The following DCANP1 variants were observed in gnomAD, a reference collection of about 807,000 sequenced individuals.
DCANP1 encodes the protein dendritic cell nuclear protein 1.
For synonymous variants in DCANP1, 139 were observed against 124.2 expected (o/e 1.12, Z -0.79); for missense variants, 328 against 293.7 (o/e 1.12, Z -0.85).
Position 135,446,789 on chromosome 5 carries a change from G to A in DCANP1, c.320C>T (p.Ser107Leu). Residue 107 changes from serine (S) to leucine (L), a missense_variant, in exon 1 of 1, where the codon TCA (serine) becomes TTA (leucine). Physicochemically the swap from Ser to Leu is moderately radical, Grantham distance 145. Transcript: ENST00000503143. ...GCTATGCAGTTCATCCTGGGTCCCT[G>A]AGGGCCTCGCAGATGCTTCACTCGA... is the stretch of plus-strand genomic sequence containing the variant. Reference protein sequence around the residue: ...NLSSEASARPSGTQDELHSSR... With the variant: ...NLSSEASARPLGTQDELHSSR... The A allele has an allele frequency of 1.9e-6, 3 of 1,613,946 alleles. No individual in the cohort carries two copies. The South Asian group carries it at 3.3e-5, about 18-fold the overall frequency.
In DCANP1 at chr5:135,444,263, G is replaced by C. The variant is rs933753337; in HGVS notation, c.*2111C>G. The C allele has an allele frequency of 6.6e-6, 1 of 152,216 alleles. No homozygotes were observed. The highest frequency in any genetic ancestry group is 1.5e-5 in the Non-Finnish European group (1 of 68,046). 9.4% of individuals were successfully genotyped at this position (152,216 alleles called of 1,614,324 possible). A position where few individuals can be genotyped will look rare whatever the true frequency, so the allele number is the denominator to read the frequency against. On this transcript the variant is annotated 3_prime_UTR_variant, in exon 1 of 1. Transcript: ENST00000503143. ...CACTTTAATCCGCCTGTGAGTTCAC[G>C]TTAAAGGTAAGAGGAATCACAGCCC...
rs372937568 is a variant in DCANP1 at position 135,446,859 on chromosome 5, C to T, written c.250G>A (p.Gly84Arg). 4.3e-6 allele frequency: 7 copies of T among 1,613,912 alleles called. No homozygotes were observed. The highest frequency in any genetic ancestry group is 4.0e-5 in the African/African-American group (3 of 75,048). The change falls in exon 1 of 1, where the codon GGG (glycine) becomes AGG (arginine). Residue 84 changes from glycine (G) to arginine (R), a missense_variant. By Grantham distance (125) the Gly-to-Arg change is moderately radical. Transcript: ENST00000503143. Reference sequence around the variant, plus strand: ...CCCCTGTGGAGGAATTGAACTGCCCCCTCTCGCAGGACCCCAGCTGGCAAG... The same window carrying T: ...CCCCTGTGGAGGAATTGAACTGCCCTCTCTCGCAGGACCCCAGCTGGCAAG... The part of the protein sequence containing the change: ...KTLPAGVLRE[G>R]AVQFLHRGLC...
Position 135,446,749 on chromosome 5 carries a change from T to C in DCANP1, c.360A>G (p.Thr120=). 6.2e-7 allele frequency: 1 copy of C among 1,613,998 alleles called. No individual in the cohort carries two copies. The change falls in exon 1 of 1, where the codon ACA becomes ACG. Residue 120 remains threonine, a synonymous_variant. Coordinates refer to ENST00000503143, the MANE Select transcript of DCANP1 (RefSeq NM_130848.3). ...GGGCTCCCTCCCGCCTGGTCTGGCC[T>C]GTCTTCCTTCTGCTGCTATGCAGTT... The part of the protein sequence containing the change: ...QDELHSSRRK[T]GQTRREGARK...
In DCANP1 at chr5:135,446,428, T is replaced by C; in HGVS notation, c.681A>G (p.Gln227=). The change falls in exon 1 of 1, where the codon CAA becomes CAG. Residue 227 remains glutamine, a synonymous_variant. Coordinates refer to ENST00000503143, the MANE Select transcript of DCANP1 (RefSeq NM_130848.3). ...SQSRRVSSSQ[Q]PPLHSLSSHR... Reference sequence around the variant, plus strand: ...GGGAGCTGAGAGAATGCAGTGGAGGTTGTTGGGAGGAACTCACCCGCCTGC... The same window carrying C: ...GGGAGCTGAGAGAATGCAGTGGAGGCTGTTGGGAGGAACTCACCCGCCTGC... 6.2e-7 allele frequency: 1 copy of C among 1,611,292 alleles called. No homozygotes were observed. The highest frequency in any genetic ancestry group is 8.5e-7 in the Non-Finnish European group (1 of 1,177,974).
rs1198023075 is a variant in DCANP1 at position 135,444,923 on chromosome 5, G to A, written c.*1451C>T. 1 of 152,458 alleles carries A rather than the reference G, an allele frequency of 6.6e-6. No individual in the cohort carries two copies. Among genetic ancestry groups the A allele is most frequent in the Non-Finnish European group, 1.5e-5 (1 of 68,210 alleles). 9.4% of individuals were successfully genotyped at this position (152,458 alleles called of 1,614,324 possible). ...AGCATCACGTTCTCAGTCCTTTCCT[G>A]TGTGGATGGAGTGTTGGCACAGTGA... On this transcript the variant is annotated 3_prime_UTR_variant, in exon 1 of 1. Transcript: ENST00000503143.
rs1481041707 is a variant in DCANP1 at position 135,446,330 on chromosome 5, G to A, written c.*44C>T. On this transcript the variant is annotated 3_prime_UTR_variant, in exon 1 of 1. Coordinates refer to ENST00000503143, the MANE Select transcript of DCANP1 (RefSeq NM_130848.3). ...CATGTGCACTGTATGTTCGTGTTTA[G>A]TGTATGTCTGTGCATACTTGCGTGT... The A allele has an allele frequency of 1.3e-6, 2 of 1,551,092 alleles. No individual in the cohort carries two copies. Among genetic ancestry groups the A allele is most frequent in the Admixed American group, 3.7e-5 (2 of 54,238 alleles).
Position 135,445,239 on chromosome 5 carries a change from C to G in DCANP1, c.*1135G>C, listed in dbSNP as rs1199628687. 1 of 152,204 alleles carries G rather than the reference C, an allele frequency of 6.6e-6. No individual in the cohort carries two copies. Among genetic ancestry groups the G allele is most frequent in the East Asian group, 1.9e-4 (1 of 5,168 alleles). 9.4% of individuals were successfully genotyped at this position (152,204 alleles called of 1,614,324 possible). ...CATAAACCTTCCTCAGCAGTCACCA[C>G]ACAGAATCCCAAAACCCCAGGGTTC... is the stretch of plus-strand genomic sequence containing the variant. On this transcript the variant is annotated 3_prime_UTR_variant, in exon 1 of 1. Transcript: ENST00000503143.
rs531353573 is a variant in DCANP1, at chr5:135,446,821, G to A, written c.288C>T (p.Ser96=). The stretch of plus-strand genomic sequence containing the variant: ...TCGCAGATGCTTCACTCGAAAGATT[G>A]GAGTTGCAGAGTCCCCTGTGGAGGA... ...VQFLHRGLCN[S]NLSSEASARP... Residue 96 remains serine (S), a synonymous_variant, in exon 1 of 1, where the codon TCC becomes TCT. Transcript: ENST00000503143. 17 of 1,613,798 alleles carry A rather than the reference G, an allele frequency of 1.1e-5. No individual in the cohort carries two copies. The highest frequency in any genetic ancestry group is 1.4e-5 in the Non-Finnish European group (17 of 1,179,836).
chr5:135,445,809 T>C lies in DCANP1; in HGVS notation c.*565A>G. On this transcript the variant is annotated 3_prime_UTR_variant, in exon 1 of 1. Transcript: ENST00000503143. Reference sequence around the variant, plus strand: ...GCTGTTTATGGAGCATTTGCAAGTCTCCCTCGAGGGGAGCCCGTGTCTCTC... The same window carrying C: ...GCTGTTTATGGAGCATTTGCAAGTCCCCCTCGAGGGGAGCCCGTGTCTCTC... 1 of 152,908 alleles carries C rather than the reference T, an allele frequency of 6.5e-6. No homozygotes were observed. Among genetic ancestry groups the C allele is most frequent in the Non-Finnish European group, 1.5e-5 (1 of 68,598 alleles). 9.5% of individuals were successfully genotyped at this position (152,908 alleles called of 1,614,324 possible). A position where few individuals can be genotyped will look rare whatever the true frequency, so the allele number is the denominator to read the frequency against.
At position 135,446,179 on chromosome 5, in the gene DCANP1, G is replaced by A; in HGVS notation, c.*195C>T. On this transcript the variant is annotated 3_prime_UTR_variant, in exon 1 of 1. Transcript: ENST00000503143. ...TGAACTTTCCCGTTTTCTACAAGAAGAAACTGTGGCACGGAGAGATTCAGT... is the reference window on the plus strand; with the variant it reads ...TGAACTTTCCCGTTTTCTACAAGAAAAAACTGTGGCACGGAGAGATTCAGT... 2 of 639,094 alleles carry A rather than the reference G, an allele frequency of 3.1e-6. No homozygotes were observed. Among genetic ancestry groups the A allele is most frequent in the Non-Finnish European group, 5.1e-6 (2 of 390,522 alleles). The allele number at this position is 639,094 out of a possible 1,614,324, so 39.6% of individuals were successfully genotyped here. A position where few individuals can be genotyped will look rare whatever the true frequency, so the allele number is the denominator to read the frequency against.
At position 135,446,552 on chromosome 5, in the gene DCANP1, G is replaced by A; in HGVS notation, c.557C>T (p.Pro186Leu). ...CCAGCTGTTAGGAGAAAGTGAAGGT[G>A]GGTGCCATGGATCTGATGATTTCAG... ...KSLKSSDPWH[P>L]PSLSPNSWNR... is the part of the protein sequence containing the mutation. Residue 186 changes from proline to leucine, a missense_variant, in exon 1 of 1, where the codon CCA becomes CTA. By Grantham distance (98) the Pro-to-Leu change is moderately conservative. Transcript: ENST00000503143. The A allele has an allele frequency of 6.2e-7, 1 of 1,613,980 alleles. No homozygotes were observed. The highest frequency in any genetic ancestry group is 1.7e-5 in the Admixed American group (1 of 60,026).
rs369831965 is a variant in DCANP1, at chr5:135,446,758, T to G, written c.351A>C (p.Arg117Ser). 2.9e-5 allele frequency: 46 copies of G among 1,613,854 alleles called. No homozygotes were observed. Among genetic ancestry groups the G allele is most frequent in the Admixed American group, 5.0e-5 (3 of 60,008 alleles). ...CCCGCCTGGTCTGGCCTGTCTTCCT[T>G]CTGCTGCTATGCAGTTCATCCTGGG... Reference protein sequence around the residue: ...SGTQDELHSSRRKTGQTRREG... With the variant: ...SGTQDELHSSSRKTGQTRREG... Residue 117 changes from arginine to serine, a missense_variant, in exon 1 of 1, where the codon AGA becomes AGC. Arg to Ser is a moderately radical substitution (Grantham distance 110). Coordinates refer to ENST00000503143, the MANE Select transcript of DCANP1 (RefSeq NM_130848.3).
Position 135,445,822 on chromosome 5 carries a change from G to A in DCANP1, c.*552C>T, listed in dbSNP as rs1769246758. 1 of 152,954 alleles carries A rather than the reference G, an allele frequency of 6.5e-6. No individual in the cohort carries two copies. The highest frequency in any genetic ancestry group is 2.1e-4 in the South Asian group (1 of 4,842). 9.5% of individuals were successfully genotyped at this position (152,954 alleles called of 1,614,324 possible). On this transcript the variant is annotated 3_prime_UTR_variant, in exon 1 of 1. Transcript: ENST00000503143. ...CATTTGCAAGTCTCCCTCGAGGGGA[G>A]CCCGTGTCTCTCACGGACAGCTTGG...
In DCANP1 at chr5:135,446,012, G is replaced by C; in HGVS notation, c.*362C>G. 1 of 182,964 alleles carries C rather than the reference G, an allele frequency of 5.5e-6. No individual in the cohort carries two copies. 11.3% of individuals were successfully genotyped at this position (182,964 alleles called of 1,614,324 possible). On this transcript the variant is annotated 3_prime_UTR_variant, in exon 1 of 1. Transcript: ENST00000503143. ...CTCCTTTTGTGCCTGAGTGTAGACT[G>C]GGTCCATGTGCCTACATGCATTCAG...
At position 135,444,429 on chromosome 5, in the gene DCANP1, C is replaced by A. The variant is rs956892163; in HGVS notation, c.*1945G>T. On this transcript the variant is annotated 3_prime_UTR_variant, in exon 1 of 1. Coordinates refer to ENST00000503143, the MANE Select transcript of DCANP1 (RefSeq NM_130848.3). ...GCTGCAATGCAGGTTAGGCTGCCACCATGAGGGAAGCTGGAGGGAGGACCT... is the reference window on the plus strand; with the variant it reads ...GCTGCAATGCAGGTTAGGCTGCCACAATGAGGGAAGCTGGAGGGAGGACCT... 2 of 152,242 alleles carry A rather than the reference C, an allele frequency of 1.3e-5. No individual in the cohort carries two copies. Among genetic ancestry groups the A allele is most frequent in the African/African-American group, 4.8e-5 (2 of 41,452 alleles). 9.4% of individuals were successfully genotyped at this position (152,242 alleles called of 1,614,324 possible).
At position 135,446,102 on chromosome 5, in the gene DCANP1, T is replaced by A. The variant is rs1769251736; in HGVS notation, c.*272A>T. On this transcript the variant is annotated 3_prime_UTR_variant, in exon 1 of 1. Transcript: ENST00000503143. ...GACCCTTATGTCTGGGTGCCTTAAA[T>A]TTGTGATGCCTCAAACTGACCTTCA... 3.1e-6 allele frequency: 1 copy of A among 325,466 alleles called. No individual in the cohort carries two copies. Among genetic ancestry groups the A allele is most frequent in the Non-Finnish European group, 5.6e-6 (1 of 177,360 alleles). The allele number at this position is 325,466 out of a possible 1,614,324, so 20.2% of individuals were successfully genotyped here.
rs2150032475 is a variant in DCANP1 at position 135,447,157 on chromosome 5, A to G, written c.-49T>C. ...TGACAGATCACTGCTGCTTTTCATC[A>G]GACCAAAATACATGTGGCTTCTTCT... On this transcript the variant is annotated 5_prime_UTR_variant, in exon 1 of 1. Transcript: ENST00000503143. 6.2e-7 allele frequency: 1 copy of G among 1,612,206 alleles called. No homozygotes were observed. The highest frequency in any genetic ancestry group is 8.5e-7 in the Non-Finnish European group (1 of 1,178,810).
In DCANP1 at chr5:135,446,619, G is replaced by A. The variant is rs887007106; in HGVS notation, c.490C>T (p.Leu164Phe). The A allele has an allele frequency of 6.2e-7, 1 of 1,613,934 alleles. No individual in the cohort carries two copies. ...AAAAATGAAGTCTCGGATGGGCAGAGCTTAACTGCCTTAAAAACTTGGTAC... is the reference window on the plus strand; with the variant it reads ...AAAAATGAAGTCTCGGATGGGCAGAACTTAACTGCCTTAAAAACTTGGTAC... The part of the protein sequence containing the change: ...ALYQVFKAVK[L>F]CPSETSFFLS... Residue 164 changes from leucine to phenylalanine, a missense_variant, in exon 1 of 1, where the codon CTC (leucine) becomes TTC (phenylalanine). Leu to Phe is a conservative substitution (Grantham distance 22). Transcript: ENST00000503143.
At position 135,446,525 on chromosome 5, in the gene DCANP1, T is replaced by G. The variant is rs368117433; in HGVS notation, c.584A>C (p.Asn195Thr). 6.2e-7 allele frequency: 1 copy of G among 1,613,838 alleles called. No homozygotes were observed. Among genetic ancestry groups the G allele is most frequent in the Non-Finnish European group, 8.5e-7 (1 of 1,179,876 alleles). Residue 195 changes from asparagine (N) to threonine (T), a missense_variant, in exon 1 of 1, where the codon AAC (asparagine) becomes ACC (threonine). By Grantham distance (65) the Asn-to-Thr change is moderately conservative (BLOSUM62 0). Transcript: ENST00000503143. ...CCAGGCCCTGAAGCCAGCCTGACGGTTCCAGCTGTTAGGAGAAAGTGAAGG... is the reference window on the plus strand; with the variant it reads ...CCAGGCCCTGAAGCCAGCCTGACGGGTCCAGCTGTTAGGAGAAAGTGAAGG... ...HPPSLSPNSW[N>T]RQAGFRAWSS...
Sources: gnomAD v4.1 joint callset for allele counts on GRCh38, gnomAD v4.1.1 for gene constraint, MANE v1.5 for transcripts, NCBI Gene and HGNC (gene_info 2026-07-23, HGNC 2026-07-21) for gene names.